DEAF1: variants seen among roughly 807,000 people sequenced by gnomAD.
The protein encoded by DEAF1 is deformed epidermal autoregulatory factor 1 homolog.
A neutral mutation model predicts 58.9 loss-of-function variants in DEAF1; 53 were observed. The observed-to-expected ratio is 0.90, with a 90% CI of 0.72 to 1.13. The LOEUF (loss-of-function observed/expected upper bound fraction) is 1.13, where lower values mean the gene tolerates loss of function less well. DEAF1 is among the 50% of genes most tolerant of loss of function. DEAF1 has a pLI of 0.00. For synonymous variants in DEAF1, 385 were observed against 340.4 expected (o/e 1.13, Z -1.44); for missense variants, 685 against 791.4 (o/e 0.87, Z 1.61).
intron 1 of DEAF1, among the ~76,000 whole-genome samples, chr11:694,187 G>A (rs1860977002): frequency 6.6e-6 from 1 of 151,862 alleles, no homozygotes; most frequent in Non-Finnish European, 1.5e-5. Flanking sequence ...GCACAGGGGG[G>A]ACCAGTAGGA....
upstream of DEAF1, among the ~76,000 whole-genome samples, chr11:698,480 C>T (rs938964966): frequency 1.6e-4 from 25 of 152,234 alleles, no homozygotes; most frequent in African/African-American, 5.8e-4. Context: ...AAAAGGTTTT[C>T]ATCTAGTCAT....
chr11:684,413 G>T (rs1417410977), intron 6 of DEAF1, among the ~76,000 whole-genome samples: 2 of 149,854 alleles, frequency 1.3e-5, no homozygotes, highest in Admixed American at 1.3e-4. Context: ...ATGAGACTTC[G>T]TCTCAGAAAA....
At chr11:673,643 C>T (rs1399168143) in intron 10 of DEAF1, among the ~76,000 whole-genome samples, 4 of 152,070 alleles carry the variant, frequency 2.6e-5, no homozygotes, top group African/African-American at 9.7e-5. Context: ...TCCACGTTAC[C>T]GTACCCGAAA....
chr11:675,851 A>G (rs990314563), intron 9 of DEAF1, among the ~76,000 whole-genome samples: 2 of 151,756 alleles, frequency 1.3e-5, no homozygotes, highest in African/African-American at 4.8e-5. Context: ...CTCTCACGCA[A>G]TGTTGGGAAG....
At chr11:648,361 A>T (rs1003979123) in intron 11 of DEAF1, among the ~76,000 whole-genome samples, 16 of 151,636 alleles carry the variant, frequency 1.1e-4, no homozygotes, top group Non-Finnish European at 2.2e-4. Flanking sequence ...CGCCAAGCTA[A>T]TTTTTTTGTA....
intron 9 of DEAF1, among the ~76,000 whole-genome samples, chr11:676,373 C>G (rs1266072225): frequency 7.3e-6 from 1 of 137,014 alleles, no homozygotes; most frequent in Non-Finnish European, 1.6e-5. Context: ...CTCAGCCTGA[C>G]ATCCCCCCAG....
intron 11 of DEAF1, among the ~76,000 whole-genome samples, chr11:647,075 C>G (rs1199430653): frequency 6.6e-6 from 1 of 152,004 alleles, no homozygotes; most frequent in Non-Finnish European, 1.5e-5. Context: ...AGGAGGATCA[C>G]TTGAGCCAGG....
intron 10 of DEAF1, 109 bp from the exon 11 acceptor site, chr11:654,160 A>AC (rs56079259): frequency 4.1e-5 from 23 of 558,374 alleles, no homozygotes; most frequent in East Asian, 3.6e-4. Flanking sequence ...CCCCCATTGG[A>AC]CCCCCTTTTT....
Position 688,052 on chromosome 11 carries a change from G to T in DEAF1, c.523C>A (p.Gln175Lys). 1 of 1,614,006 alleles carries T rather than the reference G, an allele frequency of 6.2e-7. No individual in the cohort carries two copies. ...GGAGCCAGAGGGGTTGGAGGAGACT[G>T]AGGACCTTGGGCAGAGAAAGTGTTT... ...GPAAPLTPGP[Q>K]SPPTPLAPGQ... Residue 175 changes from glutamine (Q) to lysine (K), a missense_variant, in exon 4 of 12, where the codon CAG becomes AAG. This residue lies in a region of DEAF1 where 132 missense variants were observed against 234.3 expected (regional missense o/e 0.56). Transcript: ENST00000382409. This position sits in a 1 kb window ranked among gnomAD's most constrained non-coding sequence, Gnocchi z 4.3.
upstream of DEAF1, chr11:699,567 T>G: frequency 5.9e-5 from 9 of 153,294 alleles, no homozygotes; most frequent in South Asian, 4.1e-4. Flanking sequence ...GCCAACATGG[T>G]GAAACCCTGT....
At chr11:662,572 C>A (rs1014203371) in intron 10 of DEAF1, among the ~76,000 whole-genome samples, 2 of 152,138 alleles carry the variant, frequency 1.3e-5, no homozygotes, top group African/African-American at 4.8e-5. Flanking sequence ...GGTTGCTCCG[C>A]GTTGCTGTTG....
chr11:690,670 C>G (rs1264554862), intron 2 of DEAF1, among the ~76,000 whole-genome samples: 1 of 152,118 alleles, frequency 6.6e-6, no homozygotes, highest in Non-Finnish European at 1.5e-5. Context: ...GGCTTGAACC[C>G]AGGAGGCGGA....
At chr11:653,777 A>G (rs1333966352) in intron 11 of DEAF1, among the ~76,000 whole-genome samples, 185 bp downstream of exon 11, 1 of 152,176 alleles carries the variant, frequency 6.6e-6, no homozygotes, top group Non-Finnish European at 1.5e-5. Flanking sequence ...CTACCTGGCC[A>G]TGTCACATGT....
chr11:649,450 T>C (rs1589969757), intron 11 of DEAF1, among the ~76,000 whole-genome samples: 1 of 150,136 alleles, frequency 6.7e-6, no homozygotes, highest in Non-Finnish European at 1.5e-5. Flanking sequence ...CTGGGTGTGG[T>C]GGCTCACACC....
rs1219223636 is a variant in DEAF1, at chr11:677,705, A to G, written c.1255+989T>C. Among the ~76,000 whole-genome samples, 2 of 106,400 alleles carry G rather than the reference A, an allele frequency of 1.9e-5. 1 individual carries two copies. Among genetic ancestry groups the G allele is most frequent in the Admixed American group, 2.1e-4 (2 of 9,468 alleles). The allele number at this position is 106,400 out of a possible 152,430, so 69.8% of individuals were successfully genotyped here. A position where few individuals can be genotyped will look rare whatever the true frequency, so the allele number is the denominator to read the frequency against. ...CACGATGGCTCACGCCTGTAATCCC[A>G]GCACTTTGGGAGGCCAAGGCAGGTG... On this transcript the variant is annotated intron_variant, in intron 9 of 11. Transcript: ENST00000382409.
chr11:658,572 G>T (rs932356691), intron 10 of DEAF1, among the ~76,000 whole-genome samples: 12 of 152,394 alleles, frequency 7.9e-5, no homozygotes, highest in African/African-American at 2.9e-4. Flanking sequence ...GGAAATCACA[G>T]GACTGCGGAT....
At position 653,956 on chromosome 11, in the gene DEAF1, A is replaced by G. The variant is rs532498731; in HGVS notation, c.1593+6T>C. 6.2e-7 allele frequency: 1 copy of G among 1,613,578 alleles called. No individual in the cohort carries two copies. The highest frequency in any genetic ancestry group is 8.5e-7 in the Non-Finnish European group (1 of 1,179,774). On this transcript the variant is annotated splice_donor_region_variant and intron_variant, in intron 11 of 11. Transcript: ENST00000382409. Reference sequence around the variant, plus strand: ...GGGCACTGAGCCTGGTGTAGGTGAGACCTACCTTGCGTTGGCAGAAGGTGG... The same window carrying G: ...GGGCACTGAGCCTGGTGTAGGTGAGGCCTACCTTGCGTTGGCAGAAGGTGG...
intron 1 of DEAF1, chr11:701,036 C>T (rs1861434024): frequency 2.5e-6 from 1 of 400,728 alleles, no homozygotes; most frequent in African/African-American, 2.0e-5. Flanking sequence ...ACCAGCACCC[C>T]TTTCCTTCCC....
upstream of DEAF1, chr11:695,228 C>A: frequency 1.8e-6 from 1 of 547,798 alleles, no homozygotes; most frequent in South Asian, 3.4e-5. Flanking sequence ...AGTCCGCCCG[C>A]GGAGCGGAGC....
Sources: allele counts gnomAD v4.1 joint callset (sites outside exome capture counted in the v4.1 genomes callset), GRCh38; gene constraint gnomAD v4.1.1; regional missense constraint gnomAD v4.1.1; non-coding constraint Gnocchi (gnomAD v3.1); transcripts MANE v1.5; gene names NCBI Gene and HGNC (gene_info 2026-07-23, HGNC 2026-07-21).